The following ZNF407 variants were observed in gnomAD, a reference collection of about 807,000 sequenced individuals.
ZNF407 encodes the protein zinc finger protein 407.
A neutral mutation model predicts 131.2 loss-of-function variants in ZNF407; 17 were observed. The observed-to-expected ratio is 0.13, with a 90% CI of 0.09 to 0.19. ZNF407 has a LOEUF of 0.19. Ranked by LOEUF, ZNF407 falls within the 10% of genes least tolerant of loss-of-function variation. The pLI is 1.00. For synonymous variants in ZNF407, 1,156 were observed against 1,062.0 expected (o/e 1.09, Z -1.72); for missense variants, 2,681 against 2,830.6 (o/e 0.95, Z 1.20).
intron 7 of ZNF407, among the ~76,000 whole-genome samples, chr18:74,915,525 GGTT>G (rs1346414591): frequency 3.0e-5 from 4 of 134,136 alleles, no homozygotes; most frequent in African/African-American, 1.1e-4. Flanking sequence ...GGTATGGTGA[GGTT>G]GTGTGCAGCA....
At chr18:74,628,993 T>G (rs1313318891) in intron 1 of ZNF407, among the ~76,000 whole-genome samples, 1 of 152,220 alleles carries the variant, frequency 6.6e-6, no homozygotes, top group African/African-American at 2.4e-5. Flanking sequence ...TTGGCTGTTA[T>G]GAATAAGTAC....
At chr18:74,676,596 C>T (rs1986386385) in intron 3 of ZNF407, among the ~76,000 whole-genome samples, 1 of 141,262 alleles carries the variant, frequency 7.1e-6, no homozygotes, top group African/African-American at 2.6e-5. Flanking sequence ...ACCACCGTGC[C>T]CGGGTAATTT....
intron 3 of ZNF407, among the ~76,000 whole-genome samples, chr18:74,664,079 C>G (rs947424932): frequency 1.3e-5 from 2 of 152,198 alleles, no homozygotes; most frequent in South Asian, 2.1e-4. Flanking sequence ...ATTCCCAGAT[C>G]TGGGAATTGC....
chr18:74,598,234 T>A lies in ZNF407; in HGVS notation c.-54+297T>A, dbSNP rs571120822. The A allele has an allele frequency of 4.6e-5, 7 of 152,208 alleles. No individual in the cohort carries two copies. In the East Asian group the frequency reaches 1.4e-3, roughly 30 times the overall value. The allele number at this position is 152,208 out of a possible 1,614,324, so 9.4% of individuals were successfully genotyped here. On this transcript the variant is annotated intron_variant, in intron 1 of 8. Coordinates refer to ENST00000299687, the MANE Select transcript of ZNF407 (RefSeq NM_017757.3). Reference sequence around the variant, plus strand: ...GCTGCCGCCCTGCCCTCTCACCCGCTCGCTCCGCAGGCCGGTCCCGCGGGC... The same window carrying A: ...GCTGCCGCCCTGCCCTCTCACCCGCACGCTCCGCAGGCCGGTCCCGCGGGC...
Position 74,633,506 on chromosome 18 carries a change from A to C in ZNF407, c.2487A>C (p.Lys829Asn). ...EELSQSGGST[K>N]DDELASTTTP... ...TGTCACAGTCTGGTGGTAGCACCAA[A>C]GATGATGAATTAGCTTCAACCACTA... Residue 829 changes from lysine to asparagine, a missense_variant, in exon 2 of 9, where the codon AAA becomes AAC. Coordinates refer to ENST00000299687, the MANE Select transcript of ZNF407 (RefSeq NM_017757.3). 1 of 1,614,028 alleles carries C rather than the reference A, an allele frequency of 6.2e-7. No homozygotes were observed.
intron 3 of ZNF407, among the ~76,000 whole-genome samples, chr18:74,771,562 A>G (rs1969361659): frequency 7.3e-6 from 1 of 137,290 alleles, no homozygotes; most frequent in Non-Finnish European, 1.6e-5. Context: ...GTTTTATATT[A>G]TCTAACATAT....
At chr18:74,887,727 A>T (rs950882850) in intron 6 of ZNF407, among the ~76,000 whole-genome samples, 1 of 152,066 alleles carries the variant, frequency 6.6e-6, no homozygotes, top group East Asian at 1.9e-4. Flanking sequence ...TGTTAAGTGT[A>T]CTCTTTCCAT....
chr18:74,775,015 A>C (rs955733654), intron 3 of ZNF407, among the ~76,000 whole-genome samples: 1 of 152,220 alleles, frequency 6.6e-6, no homozygotes, highest in Non-Finnish European at 1.5e-5. Context: ...TGTCTTTTCA[A>C]CTTTTCCAAG....
chr18:74,668,911 TA>T (rs953110804), intron 3 of ZNF407, among the ~76,000 whole-genome samples: 2 of 151,940 alleles, frequency 1.3e-5, no homozygotes, highest in Non-Finnish European at 2.9e-5. Context: ...GATATATCAT[TA>T]AAAAAAACCT....
At chr18:74,630,877 G>T in intron 1 of ZNF407, 90 bp from the exon 2 acceptor site, 1 of 1,001,494 alleles carries the variant, frequency 1.0e-6, no homozygotes, top group Non-Finnish European at 1.4e-6. Flanking sequence ...TTTCATTGGG[G>T]CTAACTTCAT....
intron 3 of ZNF407, among the ~76,000 whole-genome samples, chr18:74,725,110 C>T (rs7236397): frequency 0.67 from 102,235 of 152,150 alleles, 35,760 homozygotes; most frequent in East Asian, 0.85. Flanking sequence ...TTCAAATGAG[C>T]TGTTTGTGTT....
At chr18:74,977,681 G>C (rs1328805045) in intron 8 of ZNF407, among the ~76,000 whole-genome samples, 4 of 152,180 alleles carry the variant, frequency 2.6e-5, no homozygotes, top group Admixed American at 2.6e-4. Flanking sequence ...CTGTTGATCG[G>C]CCACCGAAAG....
intron 8 of ZNF407, among the ~76,000 whole-genome samples, chr18:74,980,850 G>A (rs57779115): frequency 0.015 from 2,297 of 152,242 alleles, 55 homozygotes; most frequent in African/African-American, 0.046. Flanking sequence ...TGCCATCACC[G>A]GCTCCGCTGC....
chr18:74,852,195 A>ACACACACG (rs1555694782), intron 4 of ZNF407, among the ~76,000 whole-genome samples: 2 of 61,936 alleles, frequency 3.2e-5, no homozygotes, highest in African/African-American at 1.1e-4. Context: ...ACACACACAC[A>ACACACACG]CACGCACGCA....
chr18:74,674,016 G>A (rs1212035198), intron 3 of ZNF407, among the ~76,000 whole-genome samples: 2 of 152,190 alleles, frequency 1.3e-5, no homozygotes, highest in Non-Finnish European at 2.9e-5. Flanking sequence ...AAAATCTTCT[G>A]TTACACATGG....
At position 74,970,172 on chromosome 18, in the gene ZNF407, C is replaced by G. The variant is rs140705597; in HGVS notation, c.5428+49480C>G. ...CCCATGATTCAATCACCCCCGCCCC[C>G]CTCCAGTCCCTCCCACAACACGTGG... On this transcript the variant is annotated intron_variant, in intron 8 of 8. Transcript: ENST00000299687. 3.3e-5 allele frequency among the ~76,000 whole-genome samples: 5 copies of G among 152,126 alleles called. No individual in the cohort carries two copies. In the East Asian group the frequency reaches 5.8e-4, roughly 18 times the overall value.
At chr18:74,905,220 T>G (rs1971580126) in intron 7 of ZNF407, 1 of 152,236 alleles carries the variant, frequency 6.6e-6, no homozygotes, top group Admixed American at 6.5e-5. Context: ...CATAGGAAGG[T>G]AGACTTCTCT....
chr18:74,932,564 A>T (rs879252175), intron 8 of ZNF407, among the ~76,000 whole-genome samples: 1 of 152,224 alleles, frequency 6.6e-6, no homozygotes, highest in East Asian at 1.9e-4. Flanking sequence ...ATGACTTTTG[A>T]CTTAGCCTGA....
At chr18:74,648,729 G>A (rs1326811645) in intron 3 of ZNF407, among the ~76,000 whole-genome samples, 1 of 152,192 alleles carries the variant, frequency 6.6e-6, no homozygotes, top group African/African-American at 2.4e-5. Flanking sequence ...GAGGACATAT[G>A]CAGTTACGTA....
Sources: allele counts gnomAD v4.1 joint callset (sites outside exome capture counted in the v4.1 genomes callset), GRCh38; gene constraint gnomAD v4.1.1; transcripts MANE v1.5; gene names NCBI Gene and HGNC (gene_info 2026-07-23, HGNC 2026-07-21).